TUSC3: variants seen among roughly 807,000 people sequenced by gnomAD.
The protein encoded by TUSC3 is dolichyl-diphosphooligosaccharide--protein glycosyltransferase subunit TUSC3.
In TUSC3, 45 loss-of-function variants were observed where a neutral mutation model predicts 44.8. The observed-to-expected ratio is 1.00, with a 90% CI of 0.79 to 1.29. TUSC3 has a LOEUF of 1.29. Among genes scored for constraint, TUSC3 ranks in the 50% most tolerant of loss-of-function variants. The pLI is 0.00. For missense variants in TUSC3, 519 were observed against 437.9 expected, an observed-to-expected ratio of 1.19 and a Z score of -1.65; for synonymous variants, 212 against 152.9, an observed-to-expected ratio of 1.39 and a Z score of -2.85.
At chr8:15,597,651 C>T (rs762363083) in intron 1 of TUSC3, among the ~76,000 whole-genome samples, 4 of 152,024 alleles carry the variant, frequency 2.6e-5, no homozygotes, top group African/African-American at 4.8e-5. Flanking sequence ...AAGCTAAATA[C>T]ACATTGATAT....
At chr8:15,838,126 G>C in the TUSC3 span, among the ~76,000 whole-genome samples, 1 of 152,146 alleles carries the variant, frequency 6.6e-6, no homozygotes, top group Non-Finnish European at 1.5e-5. Flanking sequence ...AATATCACTT[G>C]TCTAAAAGAG....
intron 2 of TUSC3, among the ~76,000 whole-genome samples, chr8:15,634,100 A>G (rs571945604): frequency 5.4e-4 from 83 of 152,340 alleles, no homozygotes; most frequent in Non-Finnish European, 1.0e-3. Flanking sequence ...ATAGTTCATC[A>G]TACCTAATGT....
At chr8:15,847,512 A>T in the TUSC3 span, among the ~76,000 whole-genome samples, 1 of 152,008 alleles carries the variant, frequency 6.6e-6, no homozygotes, top group South Asian at 2.1e-4. Context: ...GCATTTCCTC[A>T]CGCAAATACG....
Position 15,553,154 on chromosome 8 carries a change from T to C in TUSC3, c.138+12586T>C, listed in dbSNP as rs1015140890. Among the ~76,000 whole-genome samples the C allele has an allele frequency of 2.6e-5, 4 of 151,726 alleles. No individual in the cohort carries two copies. In the South Asian group the frequency reaches 6.3e-4, roughly 24 times the overall value. On this transcript the variant is annotated intron_variant, in intron 1 of 10. Transcript: ENST00000503731. ...GAATGTATGAGATGCCTGTGTGATA[T>C]CTAAACTGAGATGTTTGAGAAGCAG...
At chr8:15,649,532 C>T (rs1262033772) in intron 2 of TUSC3, among the ~76,000 whole-genome samples, 3 of 150,752 alleles carry the variant, frequency 2.0e-5, no homozygotes, top group South Asian at 4.2e-4. Context: ...TGCAGTGAGC[C>T]GAGATCGCGC....
intron 1 of TUSC3, among the ~76,000 whole-genome samples, chr8:15,593,038 T>C (rs1249435085): frequency 1.3e-5 from 2 of 152,290 alleles, no homozygotes; most frequent in East Asian, 1.9e-4. Flanking sequence ...CATTAGCCTA[T>C]AGATAATATT....
At chr8:15,586,029 G>A (rs751836093) in intron 1 of TUSC3, among the ~76,000 whole-genome samples, 12 of 152,170 alleles carry the variant, frequency 7.9e-5, no homozygotes, top group Non-Finnish European at 1.6e-4. Flanking sequence ...AGTAGTCAGG[G>A]AGTTATGAGG....
At chr8:15,610,590 T>A (rs1248267326) in intron 1 of TUSC3, among the ~76,000 whole-genome samples, 3 of 152,208 alleles carry the variant, frequency 2.0e-5, no homozygotes, top group African/African-American at 4.8e-5. Flanking sequence ...GAGATACATA[T>A]GCAAGTTTCG....
intron 1 of TUSC3, among the ~76,000 whole-genome samples, chr8:15,447,837 C>A (rs1585793588): frequency 6.6e-6 from 1 of 151,052 alleles, no homozygotes; most frequent in Non-Finnish European, 1.5e-5. Context: ...ATGCGAGAAC[C>A]CATAAAAACA....
chr8:15,744,243 C>T (rs946942187), intron 8 of TUSC3, among the ~76,000 whole-genome samples: 2 of 152,106 alleles, frequency 1.3e-5, no homozygotes, highest in Non-Finnish European at 2.9e-5. Context: ...GGGACCATTT[C>T]TCTCAGAGTT....
chr8:15,598,990 A>G (rs1280772130), intron 1 of TUSC3, among the ~76,000 whole-genome samples: 1 of 151,738 alleles, frequency 6.6e-6, no homozygotes, highest in African/African-American at 2.4e-5. Context: ...AGTGGTTAAA[A>G]TTATGGTAAT....
chr8:15,824,751 T>TA, the TUSC3 span, among the ~76,000 whole-genome samples: 5 of 152,070 alleles, frequency 3.3e-5, no homozygotes, highest in African/African-American at 4.8e-5. Flanking sequence ...TAAAGTGTAA[T>TA]AAAAAAAACC....
At chr8:15,509,502 G>A (rs1286109041) in intron 2 of TUSC3, among the ~76,000 whole-genome samples, 1 of 152,066 alleles carries the variant, frequency 6.6e-6, no homozygotes, top group Non-Finnish European at 1.5e-5. Context: ...CAGCTACTCG[G>A]GAGGCTGAGG....
rs1802408868 is a variant in TUSC3 at position 15,560,217 on chromosome 8, A to T, written c.138+19649A>T. ...AGGCCTGGTGGTGACAAAATCTCTC[A>T]GCATTTGCTTGTCTGTTAAGTATTT... On this transcript the variant is annotated intron_variant, in intron 1 of 10. Transcript: ENST00000503731. 2.0e-5 allele frequency among the ~76,000 whole-genome samples: 3 copies of T among 147,230 alleles called. No homozygotes were observed. In the South Asian group the frequency reaches 6.8e-4, roughly 34 times the overall value.
intron 2 of TUSC3, among the ~76,000 whole-genome samples, chr8:15,625,601 G>A (rs1269405418): frequency 4.6e-5 from 7 of 152,130 alleles, no homozygotes; most frequent in Non-Finnish European, 5.9e-5. Context: ...AACTGCATGT[G>A]CCAGCATTGT....
At chr8:15,429,317 C>G (rs1447496369) in intron 1 of TUSC3, among the ~76,000 whole-genome samples, 1 of 151,772 alleles carries the variant, frequency 6.6e-6, no homozygotes, top group Non-Finnish European at 1.5e-5. Flanking sequence ...CTGTTCTGTT[C>G]CATTGATCTA....
chr8:15,620,415 G>T (rs2129163071), intron 1 of TUSC3, among the ~76,000 whole-genome samples: 1 of 152,260 alleles, frequency 6.6e-6, no homozygotes, highest in Admixed American at 6.5e-5. Flanking sequence ...TTTTCAAGAT[G>T]TGATTGTGTA....
intron 7 of TUSC3, among the ~76,000 whole-genome samples, chr8:15,736,006 G>C (rs928444574): frequency 2.6e-5 from 4 of 152,052 alleles, no homozygotes; most frequent in Non-Finnish European, 5.9e-5. Flanking sequence ...GGGATTACAG[G>C]CATGAGCCAC....
chr8:15,573,200 CTCTATATATATA>C (rs1230297865), intron 1 of TUSC3, among the ~76,000 whole-genome samples: 20 of 99,552 alleles, frequency 2.0e-4, no homozygotes, highest in African/African-American at 3.4e-4. Context: ...CTCTCTCTCT[CTCTATATATATA>C]TATATATATA....
Sources: gnomAD v4.1 joint callset for allele counts (sites outside exome capture counted in the v4.1 genomes callset) on GRCh38, gnomAD v4.1.1 for gene constraint, MANE v1.5 for transcripts, NCBI Gene and HGNC (gene_info 2026-07-23, HGNC 2026-07-21) for gene names.